Variants in BTN1A1 observed in about 807,000 individuals in gnomAD.
The protein encoded by BTN1A1 is bK14H9.2 (butyrophilin, subfamily 1, member A1).
In BTN1A1, 26 loss-of-function variants were observed where a neutral mutation model predicts 33.1. That is an observed-to-expected ratio of 0.79 (90% CI 0.58 to 1.09). The LOEUF (loss-of-function observed/expected upper bound fraction) is 1.09. Ranked by LOEUF, BTN1A1 falls within the 50% of genes least tolerant of loss-of-function variation. The pLI, the probability that BTN1A1 is intolerant of heterozygous loss-of-function variation, is 0.00. For synonymous variants in BTN1A1, 235 were observed against 256.2 expected, an observed-to-expected ratio of 0.92 and a Z score of 0.79; for missense variants, 558 against 655.7, an observed-to-expected ratio of 0.85 and a Z score of 1.63.
intron 1 of BTN1A1, among the ~76,000 whole-genome samples, chr6:26,500,995 A>T (rs961024237): frequency 6.6e-6 from 1 of 152,190 alleles, no homozygotes; most frequent in Non-Finnish European, 1.5e-5. Context: ...TATGCAACCA[A>T]CTAATGAGTG....
At chr6:26,500,933 AT>A (rs1368249354) in intron 1 of BTN1A1, among the ~76,000 whole-genome samples, 1 of 152,156 alleles carries the variant, frequency 6.6e-6, no homozygotes, top group Non-Finnish European at 1.5e-5. Context: ...AAATAAATAA[AT>A]AAAAAGGAGA....
At chr6:26,507,721 T>TTAAAAAAA (rs10661702) in intron 5 of BTN1A1, among the ~76,000 whole-genome samples, 34,384 of 147,244 alleles carry the variant, frequency 0.23, 4,628 homozygotes, top group East Asian at 0.41. Flanking sequence ...TGAGATTCTA[T>TTAAAAAAA]AAAAAAAAAA....
Position 26,501,892 on chromosome 6 carries a change from G to A in BTN1A1, c.382G>A (p.Glu128Lys). 6.3e-7 allele frequency: 1 copy of A among 1,598,810 alleles called. No individual in the cohort carries two copies. Among genetic ancestry groups the A allele is most frequent in the African/African-American group, 1.3e-5 (1 of 74,620 alleles). The stretch of plus-strand genomic sequence containing the variant: ...CGGGGAGTACACGTGCTTTTTCAGG[G>A]AGGATGGAAGCTACGAAGAAGCCCT... ...DDGEYTCFFR[E>K]DGSYEEALVH... Residue 128 changes from glutamate (E) to lysine (K), a missense_variant, in exon 3 of 8, where the codon GAG becomes AAG. Physicochemically the swap from Glu to Lys is moderately conservative, Grantham distance 56. Transcript: ENST00000684113. The surrounding 1 kb of genome is among the most constrained non-coding windows in gnomAD (Gnocchi z 5.2).
At position 26,506,776 on chromosome 6, in the gene BTN1A1, C is replaced by G. The variant is rs1763875551; in HGVS notation, c.803C>G (p.Thr268Ser). Reference sequence around the variant, plus strand: ...CTCACCATTGGGTCCATATTTTTCACTTGGAGACTATACAACGAAAGACCC... The same window carrying G: ...CTCACCATTGGGTCCATATTTTTCAGTTGGAGACTATACAACGAAAGACCC... ...GLLTIGSIFF[T>S]WRLYNERPRE... The change falls in exon 5 of 8, where the codon ACT becomes AGT. Residue 268 changes from threonine (T) to serine (S), a missense_variant. By Grantham distance (58) the Thr-to-Ser change is moderately conservative (BLOSUM62 1). Coordinates refer to ENST00000684113, the MANE Select transcript of BTN1A1 (RefSeq NM_001732.3). The G allele has an allele frequency of 6.2e-7, 1 of 1,613,944 alleles. No individual in the cohort carries two copies. Among genetic ancestry groups the G allele is most frequent in the African/African-American group, 1.3e-5 (1 of 74,886 alleles).
rs1172272586 is a variant in BTN1A1 at position 26,509,749 on chromosome 6, G to A, written c.*575G>A. ...AAGCCACGTCCTATAGGACAGAGGA[G>A]ACTGGCCCCACTTCTATGGGTCTGA... is the stretch of plus-strand genomic sequence containing the variant. On this transcript the variant is annotated 3_prime_UTR_variant, in exon 8 of 8. Coordinates refer to ENST00000684113, the MANE Select transcript of BTN1A1 (RefSeq NM_001732.3). 1 of 153,250 alleles carries A rather than the reference G, an allele frequency of 6.5e-6. No homozygotes were observed. The highest frequency in any genetic ancestry group is 1.5e-5 in the Non-Finnish European group (1 of 68,884). 9.5% of individuals were successfully genotyped at this position (153,250 alleles called of 1,614,324 possible). A position where few individuals can be genotyped will look rare whatever the true frequency, so the allele number is the denominator to read the frequency against.
rs1330625764 is a variant in BTN1A1 at position 26,505,153 on chromosome 6, A to G, written c.656A>G (p.Tyr219Cys). The change falls in exon 4 of 8, where the codon TAC becomes TGC. Residue 219 changes from tyrosine (Y) to cysteine (C), a missense_variant. Transcript: ENST00000684113. ...RDTSAKNVSC[Y>C]IQNLLLGQEK... Reference sequence around the variant, plus strand: ...ACTTCTGCGAAAAATGTGTCCTGCTACATCCAGAATCTCCTTCTTGGCCAG... The same window carrying G: ...ACTTCTGCGAAAAATGTGTCCTGCTGCATCCAGAATCTCCTTCTTGGCCAG... 6.2e-7 allele frequency: 1 copy of G among 1,613,842 alleles called. No individual in the cohort carries two copies. The highest frequency in any genetic ancestry group is 1.3e-5 in the African/African-American group (1 of 74,908).
intron 5 of BTN1A1, 42 bp from the exon 6 acceptor site, chr6:26,507,908 C>A: frequency 6.2e-7 from 1 of 1,610,926 alleles, no homozygotes; most frequent in Non-Finnish European, 8.5e-7. Flanking sequence ...TCCTTTACGT[C>A]CACTATAGAA....
intron 7 of BTN1A1, 67 bp from the exon 8 acceptor site, chr6:26,508,434 G>T: frequency 6.7e-7 from 1 of 1,494,180 alleles, no homozygotes; most frequent in South Asian, 1.3e-5. Context: ...TTTCTTAGGA[G>T]AAGGAAAGAC....
At chr6:26,507,422 C>T (rs1763884784) in intron 5 of BTN1A1, among the ~76,000 whole-genome samples, 1 of 152,080 alleles carries the variant, frequency 6.6e-6, no homozygotes, top group African/African-American at 2.4e-5. Context: ...CAGTACCAAT[C>T]TTATTATTAA....
intron 7 of BTN1A1, 40 bp downstream of exon 7, chr6:26,508,127 T>C (rs539506501): frequency 1.3e-6 from 2 of 1,570,480 alleles, no homozygotes; most frequent in African/African-American, 1.4e-5. Context: ...TGAGGCTCTA[T>C]CCCCTAGGAA....
chr6:26,508,311 C>T (rs1763897813), intron 7 of BTN1A1, among the ~76,000 whole-genome samples, 190 bp from the exon 8 acceptor site: 1 of 152,178 alleles, frequency 6.6e-6, no homozygotes, highest in Non-Finnish European at 1.5e-5. Context: ...TTAGCTCTTA[C>T]ATCACCCTCT....
chr6:26,505,840 C>G (rs905580793), intron 4 of BTN1A1, among the ~76,000 whole-genome samples: 141 of 151,014 alleles, frequency 9.3e-4, no homozygotes, highest in African/African-American at 3.0e-3. Flanking sequence ...CTAAGTTGGC[C>G]GGGCGTGGTG....
rs1425013414 is a variant in BTN1A1 at position 26,508,514 on chromosome 6, G to A, written c.921G>A (p.Leu307=). The change falls in exon 8 of 8, where the codon CTG becomes CTA. Residue 307 remains leucine (L), a synonymous_variant. Coordinates refer to ENST00000684113, the MANE Select transcript of BTN1A1 (RefSeq NM_001732.3). ...CTTTCTCTCCAGTTGATGTGACTCT[G>A]GACCCAGACACAGCTCATCCCCACC... The part of the protein sequence containing the change: ...KATLHAVDVT[L]DPDTAHPHLF... The A allele has an allele frequency of 6.2e-7, 1 of 1,612,382 alleles. No individual in the cohort carries two copies. The highest frequency in any genetic ancestry group is 1.3e-5 in the African/African-American group (1 of 74,880).
rs201452649 is a variant in BTN1A1 at position 26,508,627 on chromosome 6, C to T, written c.1034C>T (p.Pro345Leu). The T allele has an allele frequency of 1.8e-5, 29 of 1,614,010 alleles. No homozygotes were observed. The highest frequency in any genetic ancestry group is 1.3e-5 in the African/African-American group (1 of 74,878). Residue 345 changes from proline (P) to leucine (L), a missense_variant, in exon 8 of 8, where the codon CCC (proline) becomes CTC (leucine). Physicochemically the swap from Pro to Leu is moderately conservative, Grantham distance 98 (BLOSUM62 -3). Transcript: ENST00000684113. ...PEKTERFDSW[P>L]CVLGRETFTS... ...AAAACAGAGAGATTTGACTCCTGGC[C>T]CTGTGTGTTGGGCCGTGAGACCTTC... is the stretch of plus-strand genomic sequence containing the variant.
chr6:26,506,591 A>T (rs549434586), intron 4 of BTN1A1, 92 bp from the exon 5 acceptor site: 1 of 1,385,302 alleles, frequency 7.2e-7, no homozygotes, highest in East Asian at 2.3e-5. Flanking sequence ...GGTCCAGGCC[A>T]TCACCTCTTC....
Position 26,501,284 on chromosome 6 carries a change from G to C in BTN1A1, c.-3G>C, listed in dbSNP as rs201413374. ...TTATCTTGCTGCTCCAGAAGGGTGG[G>C]AGATGGCAGTTTTCCCAAGCTCCGG... On this transcript the variant is annotated 5_prime_UTR_variant, in exon 2 of 8. Coordinates refer to ENST00000684113, the MANE Select transcript of BTN1A1 (RefSeq NM_001732.3). This position sits in a 1 kb window ranked among gnomAD's most constrained non-coding sequence, Gnocchi z 5.2. 1.4e-4 allele frequency: 221 copies of C among 1,613,864 alleles called. 2 individuals are homozygous for C. The African/African-American group carries it at 1.5e-3, about 11-fold the overall frequency.
At chr6:26,506,380 C>T (rs540688372) in intron 4 of BTN1A1, among the ~76,000 whole-genome samples, 26 of 152,250 alleles carry the variant, frequency 1.7e-4, no homozygotes, top group Middle Eastern at 6.8e-3. Context: ...CTCTTGGCTC[C>T]CATTCTGCAC....
At chr6:26,505,908 G>T (rs964274229) in intron 4 of BTN1A1, among the ~76,000 whole-genome samples, 1 of 151,908 alleles carries the variant, frequency 6.6e-6, no homozygotes, top group Admixed American at 6.6e-5. Flanking sequence ...CACAAGGTCA[G>T]GAGATCGAGA....
At position 26,504,942 on chromosome 6, in the gene BTN1A1, C is replaced by T. The variant is rs775791275; in HGVS notation, c.445C>T (p.His149Tyr). 28 of 1,614,034 alleles carry T rather than the reference C, an allele frequency of 1.7e-5. No homozygotes were observed. Among genetic ancestry groups the T allele is most frequent in the Non-Finnish European group, 1.8e-5 (21 of 1,180,030 alleles). The change falls in exon 4 of 8, where the codon CAC becomes TAC. Residue 149 changes from histidine (H) to tyrosine (Y), a missense_variant. By Grantham distance (83) the His-to-Tyr change is moderately conservative. Transcript: ENST00000684113. The stretch of plus-strand genomic sequence containing the variant: ...CTCCATAGCTCTGGGCTCTGACCCT[C>T]ACATCAGTATGCAAGTTCAAGAGAA... ...LKVAALGSDP[H>Y]ISMQVQENGE...
Sources: allele counts gnomAD v4.1 joint callset (sites outside exome capture counted in the v4.1 genomes callset), GRCh38; gene constraint gnomAD v4.1.1; non-coding constraint Gnocchi (gnomAD v3.1); transcripts MANE v1.5; gene names NCBI Gene and HGNC (gene_info 2026-07-23, HGNC 2026-07-21).